The following SHISA9 variants were observed in gnomAD, a reference collection of about 807,000 sequenced individuals.
The protein encoded by SHISA9 is shisa family member 9.
In SHISA9, 13 loss-of-function variants were observed where a neutral mutation model predicts 38.0. The ratio of observed to expected loss-of-function variants is 0.34; its 90% confidence interval spans 0.22 to 0.54. The LOEUF (loss-of-function observed/expected upper bound fraction) is 0.54, where lower values mean the gene tolerates loss of function less well. Among genes scored for constraint, SHISA9 ranks in the 20% least tolerant of loss-of-function variants. The probability of loss-of-function intolerance (pLI) is 0.91; values close to 1 mark genes in which losing one functional copy is unlikely to be tolerated. For synonymous variants in SHISA9, 275 were observed against 242.0 expected (o/e 1.14, Z -1.27); for missense variants, 538 against 575.8 (o/e 0.93, Z 0.67).
At chr16:13,037,317 C>A (rs1567190974) in intron 2 of SHISA9, among the ~76,000 whole-genome samples, 1 of 151,944 alleles carries the variant, frequency 6.6e-6, no homozygotes, top group Non-Finnish European at 1.5e-5. Flanking sequence ...AAGCCTCTGG[C>A]AGATTATTTT....
chr16:12,906,820 T>G (rs2071102099), intron 1 of SHISA9, among the ~76,000 whole-genome samples: 2 of 152,150 alleles, frequency 1.3e-5, no homozygotes, highest in African/African-American at 4.8e-5. Context: ...TGGCAAGATA[T>G]TTGGCGGCGT....
intron 1 of SHISA9, among the ~76,000 whole-genome samples, chr16:12,913,858 G>A (rs1324390241): frequency 6.6e-6 from 1 of 151,794 alleles, no homozygotes; most frequent in African/African-American, 2.4e-5. Flanking sequence ...TTCTTTGTAC[G>A]GCTGGAGAAT....
At chr16:13,447,314 G>T in the SHISA9 span, among the ~76,000 whole-genome samples, 1 of 152,172 alleles carries the variant, frequency 6.6e-6, no homozygotes, top group Admixed American at 6.5e-5. Context: ...TCTAGAAAGT[G>T]GTGGTTTGGG....
chr16:13,554,381 G>A, the SHISA9 span, among the ~76,000 whole-genome samples: 1 of 150,746 alleles, frequency 6.6e-6, no homozygotes, highest in East Asian at 1.9e-4. Context: ...GGACTTATAT[G>A]CTACAAGTCT....
intron 2 of SHISA9, among the ~76,000 whole-genome samples, chr16:13,170,214 A>G (rs1034179546): frequency 5.3e-5 from 8 of 151,964 alleles, no homozygotes; most frequent in African/African-American, 1.9e-4. Context: ...AAAAAAAAAA[A>G]AAAAAAGAAA....
In SHISA9 at chr16:13,217,452, G is replaced by A. The variant is rs146326820; in HGVS notation, c.895+4152G>A. Among the ~76,000 whole-genome samples, 23 of 152,212 alleles carry A rather than the reference G, an allele frequency of 1.5e-4. No individual in the cohort carries two copies. In the East Asian group the frequency reaches 2.5e-3, roughly 17 times the overall value. On this transcript the variant is annotated intron_variant, in intron 4 of 4. Coordinates refer to ENST00000558583, the MANE Select transcript of SHISA9 (RefSeq NM_001145204.3). Reference sequence around the variant, plus strand: ...GTGCTACAGCAAGGCAATCAAATTAGGAGAAACTGCCAGCATAGACTGCAG... The same window carrying A: ...GTGCTACAGCAAGGCAATCAAATTAAGAGAAACTGCCAGCATAGACTGCAG...
chr16:13,273,252 T>C, the SHISA9 span, among the ~76,000 whole-genome samples: 2 of 152,210 alleles, frequency 1.3e-5, no homozygotes, highest in Non-Finnish European at 2.9e-5. Context: ...CGACATGTCC[T>C]AATAGACACA....
the SHISA9 span, among the ~76,000 whole-genome samples, chr16:13,287,050 A>T: frequency 6.6e-6 from 1 of 152,332 alleles, no homozygotes; most frequent in African/African-American, 2.4e-5. Context: ...AAGTATCCAC[A>T]ACAGACACCA....
intron 2 of SHISA9, among the ~76,000 whole-genome samples, chr16:13,077,311 G>A (rs1358534542): frequency 6.6e-6 from 1 of 150,762 alleles, no homozygotes; most frequent in Non-Finnish European, 1.5e-5. Context: ...TATCCATATG[G>A]TAAAAGATGA....
At chr16:13,027,936 A>AC (rs1482925968) in intron 2 of SHISA9, among the ~76,000 whole-genome samples, 27 of 150,378 alleles carry the variant, frequency 1.8e-4, no homozygotes, top group African/African-American at 6.1e-4. Context: ...TCAAAAACAA[A>AC]AAAAAAAAAA....
At chr16:13,249,340 C>T in the SHISA9 span, among the ~76,000 whole-genome samples, 1,169 of 152,294 alleles carry the variant, frequency 7.7e-3, 8 homozygotes, top group African/African-American at 0.026. Context: ...CTTTTTATAG[C>T]CCATGTCATT....
At chr16:13,152,820 C>G (rs1261346967) in intron 2 of SHISA9, among the ~76,000 whole-genome samples, 2 of 152,130 alleles carry the variant, frequency 1.3e-5, no homozygotes, top group Non-Finnish European at 2.9e-5. Context: ...TAATTGGAAA[C>G]TACATAAATA....
At chr16:13,349,990 C>A in the SHISA9 span, among the ~76,000 whole-genome samples, 1,125 of 152,242 alleles carry the variant, frequency 7.4e-3, 5 homozygotes, top group Middle Eastern at 0.02. Flanking sequence ...TTAAGGGATA[C>A]CCAAATAGCT....
At chr16:13,163,510 C>G (rs1350693444) in intron 2 of SHISA9, among the ~76,000 whole-genome samples, 1 of 151,958 alleles carries the variant, frequency 6.6e-6, no homozygotes. Flanking sequence ...TATAATGTGT[C>G]CTTTTTTCTC....
chr16:13,288,538 A>G, the SHISA9 span, among the ~76,000 whole-genome samples: 1 of 152,036 alleles, frequency 6.6e-6, no homozygotes, highest in African/African-American at 2.4e-5. Context: ...GCTCACTCCT[A>G]TAATCCCAGC....
At chr16:13,520,906 A>T in the SHISA9 span, among the ~76,000 whole-genome samples, 1 of 152,278 alleles carries the variant, frequency 6.6e-6, no homozygotes, top group South Asian at 2.1e-4. Context: ...TGATGTTCTG[A>T]CACATGCACA....
chr16:13,554,516 CTTTT>C, the SHISA9 span, among the ~76,000 whole-genome samples: 1 of 132,102 alleles, frequency 7.6e-6, no homozygotes, highest in African/African-American at 2.8e-5. Context: ...TCTTCTCTTT[CTTTT>C]TTTTTTTTTG....
At chr16:13,377,894 G>A in the SHISA9 span, among the ~76,000 whole-genome samples, 109,447 of 151,924 alleles carry the variant, frequency 0.72, 40,462 homozygotes, top group East Asian at 0.96. Flanking sequence ...TTAGCCAGTC[G>A]TGGTGGCACG....
At chr16:13,254,018 G>A in the SHISA9 span, among the ~76,000 whole-genome samples, 6 of 152,024 alleles carry the variant, frequency 3.9e-5, no homozygotes, top group African/African-American at 1.2e-4. Flanking sequence ...TCTAATTAGG[G>A]CTACTGCACA....
Sources: allele counts gnomAD v4.1 joint callset (sites outside exome capture counted in the v4.1 genomes callset), GRCh38; gene constraint gnomAD v4.1.1; transcripts MANE v1.5; gene names NCBI Gene and HGNC (gene_info 2026-07-23, HGNC 2026-07-21).